Variants in SDK1 observed in about 807,000 individuals in gnomAD.
The protein encoded by SDK1 is sidekick cell adhesion molecule 1, also known as protein sidekick-1.
In SDK1, 157 loss-of-function variants were observed where a neutral mutation model predicts 245.5. That is an observed-to-expected ratio of 0.64 (90% CI 0.56 to 0.73). The LOEUF is 0.73. SDK1 is among the 30% of genes least tolerant of loss of function. The pLI, the probability that SDK1 is intolerant of heterozygous loss-of-function variation, is 0.00. For missense variants in SDK1, 3,583 were observed against 3,002.3 expected (o/e 1.19, Z -4.52); for synonymous variants, 1,647 against 1,278.5 (o/e 1.29, Z -6.15).
At chr7:3,379,657 C>A (rs556882439) in intron 1 of SDK1, among the ~76,000 whole-genome samples, 10 of 152,172 alleles carry the variant, frequency 6.6e-5, no homozygotes, top group African/African-American at 2.4e-4. Context: ...ATCCAAGTAA[C>A]CTCAGAGAAT....
At chr7:3,429,273 T>G (rs561909061) in intron 1 of SDK1, among the ~76,000 whole-genome samples, 161 of 152,276 alleles carry the variant, frequency 1.1e-3, no homozygotes, top group African/African-American at 3.8e-3. Flanking sequence ...AAATGCCAGG[T>G]CTTCTAGATT....
chr7:3,560,432 T>G (rs906571641), intron 1 of SDK1, among the ~76,000 whole-genome samples: 3 of 152,214 alleles, frequency 2.0e-5, no homozygotes, highest in African/African-American at 4.8e-5. Context: ...GTTTTGTTTT[T>G]TTTTAAACTT....
chr7:4,232,893 A>T (rs1018713164), intron 40 of SDK1: 1 of 163,798 alleles, frequency 6.1e-6, no homozygotes, highest in Non-Finnish European at 1.3e-5. Context: ...AAATTTATTA[A>T]TGGCTTTAAT....
At chr7:3,375,005 C>T (rs1189685630) in intron 1 of SDK1, among the ~76,000 whole-genome samples, 3 of 152,072 alleles carry the variant, frequency 2.0e-5, no homozygotes, top group Non-Finnish European at 2.9e-5. Context: ...AGTAGACATT[C>T]GTTAAATATT....
intron 1 of SDK1, among the ~76,000 whole-genome samples, chr7:3,544,719 C>G (rs1779163153): frequency 1.3e-5 from 2 of 152,252 alleles, no homozygotes; most frequent in African/African-American, 2.4e-5. Flanking sequence ...ACTTACCAAC[C>G]ATAAAATCAG....
chr7:4,149,208 C>T, intron 29 of SDK1, 54 bp from the exon 30 acceptor site: 5 of 1,404,914 alleles, frequency 3.6e-6, no homozygotes, highest in Non-Finnish European at 4.7e-6. Context: ...TGGGGATGTT[C>T]CTTGGGAAGG....
In SDK1 at chr7:3,633,635, C is replaced by T. The variant is rs375713224; in HGVS notation, c.459-5369C>T. Among the ~76,000 whole-genome samples the T allele has an allele frequency of 3.9e-5, 6 of 151,952 alleles. 1 individual carries two copies. The East Asian group carries it at 5.8e-4, about 15-fold the overall frequency. ...TTTCATAAAAAAAGAAATGATTCTA[C>T]GATATATTATTTAGGTTTTGCTATG... On this transcript the variant is annotated intron_variant, in intron 2 of 44. Transcript: ENST00000404826.
intron 19 of SDK1, 62 bp downstream of exon 19, chr7:4,051,892 C>G: frequency 6.8e-7 from 1 of 1,465,782 alleles, no homozygotes. Context: ...ACCGCTGCAA[C>G]TTCCAGAATC....
chr7:3,770,339 C>T (rs1179711198), intron 4 of SDK1, among the ~76,000 whole-genome samples: 1 of 152,062 alleles, frequency 6.6e-6, no homozygotes, highest in Admixed American at 6.5e-5. Flanking sequence ...TATGGATGTA[C>T]CACAGTTTGT....
intron 1 of SDK1, among the ~76,000 whole-genome samples, chr7:3,330,113 A>T (rs2128550569): frequency 6.6e-6 from 1 of 152,148 alleles, no homozygotes; most frequent in African/African-American, 2.4e-5. Context: ...ATTAACAGAT[A>T]TTTGGGTTAT....
intron 5 of SDK1, among the ~76,000 whole-genome samples, chr7:3,879,513 G>C (rs1781154028): frequency 6.6e-6 from 1 of 152,104 alleles, no homozygotes; most frequent in African/African-American, 2.4e-5. Flanking sequence ...CCTTTTCAAG[G>C]GGCCAGGCTG....
At chr7:4,006,611 G>A (rs1299878861) in intron 14 of SDK1, among the ~76,000 whole-genome samples, 1 of 151,884 alleles carries the variant, frequency 6.6e-6, no homozygotes, top group Non-Finnish European at 1.5e-5. Flanking sequence ...ATTTTTTTTT[G>A]TATGAATCAG....
chr7:4,026,468 G>A lies in SDK1; in HGVS notation c.2602+9116G>A, dbSNP rs1045347404. Among the ~76,000 whole-genome samples, 4 of 152,200 alleles carry A rather than the reference G, an allele frequency of 2.6e-5. No individual in the cohort carries two copies. The highest frequency in any genetic ancestry group is 4.1e-4 in the South Asian group (2 of 4,830). ...CAGACGACTGGCTTCACGAGGGCCC[G>A]GTGTGCAGACAGCCTGCCAGGGCCT... On this transcript the variant is annotated intron_variant, in intron 17 of 44. Coordinates refer to ENST00000404826, the MANE Select transcript of SDK1 (RefSeq NM_152744.4). The surrounding 1 kb of genome is among the most constrained non-coding windows in gnomAD (Gnocchi z 4.1).
intron 1 of SDK1, among the ~76,000 whole-genome samples, chr7:3,497,848 C>T (rs761116114): frequency 6.6e-6 from 1 of 152,178 alleles, no homozygotes. Context: ...CCCATCTAAT[C>T]CCCTCACTGC....
intron 35 of SDK1, among the ~76,000 whole-genome samples, chr7:4,191,459 A>T (rs1027396263): frequency 6.6e-6 from 1 of 152,168 alleles, no homozygotes; most frequent in African/African-American, 2.4e-5. Context: ...ACCTCTCACC[A>T]TCCTGAGTTT....
intron 35 of SDK1, among the ~76,000 whole-genome samples, chr7:4,196,234 G>A (rs1783568679): frequency 6.6e-6 from 1 of 152,090 alleles, no homozygotes; most frequent in Non-Finnish European, 1.5e-5. Context: ...TTGCCAACAG[G>A]TCCGCCTCTG....
In SDK1 at chr7:3,523,324, TAC is replaced by T. The variant is rs1296684520; in HGVS notation, c.299-95754_299-95753del. 3.9e-5 allele frequency among the ~76,000 whole-genome samples: 6 copies of T among 152,196 alleles called. No individual in the cohort carries two copies. In the East Asian group the frequency reaches 9.6e-4, roughly 24 times the overall value. ...TGTGCTAGGGACTGCATCCTAGAGA[TAC>T]AGTCTGTGCTGGCATAGGGCTTCTA... On this transcript the variant is annotated intron_variant, in intron 1 of 44. Transcript: ENST00000404826.
At chr7:3,960,802 C>G (rs1184086347) in intron 8 of SDK1, among the ~76,000 whole-genome samples, 1 of 152,190 alleles carries the variant, frequency 6.6e-6, no homozygotes, top group Non-Finnish European at 1.5e-5. Flanking sequence ...AATTATCTTT[C>G]TTACAGTGGT....
intron 1 of SDK1, among the ~76,000 whole-genome samples, chr7:3,605,552 T>C (rs920114565): frequency 3.9e-5 from 6 of 152,208 alleles, no homozygotes; most frequent in African/African-American, 7.2e-5. Flanking sequence ...ACCTAAATTA[T>C]TGATTCCATT....
Sources: gnomAD v4.1 joint callset for allele counts (sites outside exome capture counted in the v4.1 genomes callset) on GRCh38, gnomAD v4.1.1 for gene constraint, Gnocchi (gnomAD v3.1) non-coding constraint, MANE v1.5 for transcripts, NCBI Gene and HGNC (gene_info 2026-07-23, HGNC 2026-07-21) for gene names.